Variants in SYNPR observed in about 807,000 individuals in gnomAD.
The protein encoded by SYNPR is synaptoporin.
Under a neutral mutation model 32.9 loss-of-function variants are expected in SYNPR, and 23 were observed. The ratio of observed to expected loss-of-function variants is 0.70; its 90% CI spans 0.50 to 0.99. The LOEUF (loss-of-function observed/expected upper bound fraction) is 0.99. Among genes scored for constraint, SYNPR ranks in the 50% least tolerant of loss-of-function variants. SYNPR has a pLI of 0.00. For missense variants in SYNPR, 318 were observed against 349.3 expected (o/e 0.91, Z 0.71); for synonymous variants, 146 against 135.9 (o/e 1.07, Z -0.52).
intron 2 of SYNPR, among the ~76,000 whole-genome samples, chr3:63,287,292 T>C (rs2086694325): frequency 6.6e-6 from 1 of 152,208 alleles, no homozygotes; most frequent in Middle Eastern, 3.2e-3. Context: ...CATGAACTTT[T>C]GTACATGCCA....
At chr3:63,230,870 G>A (rs2086161945) in intron 1 of SYNPR, among the ~76,000 whole-genome samples, 1 of 152,134 alleles carries the variant, frequency 6.6e-6, no homozygotes, top group Non-Finnish European at 1.5e-5. Context: ...TGTAAGTCTG[G>A]CTTGTACCTT....
intron 2 of SYNPR, among the ~76,000 whole-genome samples, chr3:63,321,074 C>A (rs146491460): frequency 5.9e-5 from 9 of 152,150 alleles, no homozygotes; most frequent in African/African-American, 2.2e-4. Context: ...TCATTCTTAA[C>A]CTAGGGCAGC....
chr3:63,444,001 C>A (rs1470126487), intron 2 of SYNPR, among the ~76,000 whole-genome samples: 1 of 152,226 alleles, frequency 6.6e-6, no homozygotes, highest in South Asian at 2.1e-4. Flanking sequence ...GATGCATGCA[C>A]CTTTAAAAGG....
At chr3:63,434,148 C>A (rs796269280) in intron 2 of SYNPR, among the ~76,000 whole-genome samples, 2 of 152,120 alleles carry the variant, frequency 1.3e-5, no homozygotes, top group African/African-American at 4.8e-5. Flanking sequence ...TCTTTCCTAC[C>A]CACGCCTTAT....
At chr3:63,423,293 T>C (rs1699832364) in intron 2 of SYNPR, among the ~76,000 whole-genome samples, 1 of 152,118 alleles carries the variant, frequency 6.6e-6, no homozygotes, top group South Asian at 2.1e-4. Context: ...GTGGTGGATA[T>C]TGAGCGACTG....
chr3:63,232,729 G>A (rs1026355342), intron 1 of SYNPR, among the ~76,000 whole-genome samples: 40 of 152,110 alleles, frequency 2.6e-4, no homozygotes, highest in African/African-American at 9.4e-4. Context: ...ACGGGAATGG[G>A]CTCAGTTATC....
chr3:63,379,820 A>G (rs769141274), intron 2 of SYNPR, among the ~76,000 whole-genome samples: 35 of 152,022 alleles, frequency 2.3e-4, no homozygotes, highest in Non-Finnish European at 4.3e-4. Flanking sequence ...TATATCTCCT[A>G]ATGCTATCCC....
chr3:63,283,927 G>T (rs755920630), intron 2 of SYNPR, among the ~76,000 whole-genome samples: 45 of 146,192 alleles, frequency 3.1e-4, no homozygotes, highest in Non-Finnish European at 5.2e-4. Flanking sequence ...TCCTGCCTCA[G>T]CCTCCCGAGT....
At chr3:63,200,659 A>T in the SYNPR span, among the ~76,000 whole-genome samples, 1 of 152,190 alleles carries the variant, frequency 6.6e-6, no homozygotes, top group Non-Finnish European at 1.5e-5. Context: ...CTGCAAATAC[A>T]TGGTGAGATC....
intron 3 of SYNPR, among the ~76,000 whole-genome samples, chr3:63,529,789 G>A (rs1245174100): frequency 2.0e-5 from 3 of 152,140 alleles, no homozygotes; most frequent in African/African-American, 7.2e-5. Flanking sequence ...GGCCCTTTTT[G>A]GCACAGCCTG....
chr3:63,523,922 AC>A (rs1701956820), intron 3 of SYNPR, among the ~76,000 whole-genome samples: 1 of 152,156 alleles, frequency 6.6e-6, no homozygotes, highest in Admixed American at 6.5e-5. Context: ...CTGAGGAAGG[AC>A]CCAGGGTATG....
At chr3:63,276,612 G>A (rs2086576200), upstream of SYNPR, among the ~76,000 whole-genome samples, 1 of 132,742 alleles carries the variant, frequency 7.5e-6, no homozygotes, top group Admixed American at 8.6e-5. Context: ...GTAATTGATA[G>A]TGTTAGTTCC....
At chr3:63,445,494 C>A in intron 2 of SYNPR, 1 of 687,602 alleles carries the variant, frequency 1.5e-6, no homozygotes. Flanking sequence ...TGGGGGAAAA[C>A]AATAAAGGGA....
At chr3:63,276,750 A>G (rs1372425025), upstream of SYNPR, among the ~76,000 whole-genome samples, 3 of 151,986 alleles carry the variant, frequency 2.0e-5, no homozygotes, top group African/African-American at 7.2e-5. Flanking sequence ...TGGTGCAACC[A>G]GTCCACTGGA....
chr3:63,346,451 G>A (rs13066784), intron 2 of SYNPR, among the ~76,000 whole-genome samples: 31,071 of 152,030 alleles, frequency 0.2, 3,637 homozygotes, highest in South Asian at 0.38. Flanking sequence ...AAAGTATGAT[G>A]AAATGCATAC....
intron 3 of SYNPR, among the ~76,000 whole-genome samples, chr3:63,497,485 T>C: frequency 6.6e-6 from 1 of 152,008 alleles, no homozygotes. Context: ...TTCTAAGTCA[T>C]CACAATTGTC....
intron 3 of SYNPR, among the ~76,000 whole-genome samples, chr3:63,492,642 AGT>A: frequency 1.3e-5 from 2 of 152,252 alleles, no homozygotes; most frequent in Non-Finnish European, 2.9e-5. Context: ...CCCATAGGGA[AGT>A]GACAAGCGGC....
At chr3:63,357,920 A>G (rs2087604526) in intron 2 of SYNPR, among the ~76,000 whole-genome samples, 1 of 152,210 alleles carries the variant, frequency 6.6e-6, no homozygotes, top group Non-Finnish European at 1.5e-5. Context: ...AAGGAGTAGC[A>G]TTTAATTGTC....
chr3:63,231,432 C>A (rs897177059), intron 1 of SYNPR, among the ~76,000 whole-genome samples: 4 of 152,058 alleles, frequency 2.6e-5, no homozygotes, highest in African/African-American at 7.2e-5. Flanking sequence ...CACTAAAGAA[C>A]TCATCTGTAC....
Sources: allele counts gnomAD v4.1 joint callset (sites outside exome capture counted in the v4.1 genomes callset), GRCh38; gene constraint gnomAD v4.1.1; transcripts MANE v1.5; gene names NCBI Gene and HGNC (gene_info 2026-07-23, HGNC 2026-07-21).